TMEM235: variants seen among roughly 807,000 people sequenced by gnomAD.
TMEM235 encodes the protein transmembrane protein 235, also known as claudin-27.
Under a neutral mutation model 22.9 loss-of-function variants are expected in TMEM235, and 23 were observed. The ratio of observed to expected loss-of-function variants is 1.00; its 90% CI spans 0.72 to 1.42. The LOEUF is 1.42. TMEM235 is among the 40% of genes most tolerant of loss of function. The pLI, the probability that TMEM235 is intolerant of heterozygous loss-of-function variation, is 0.00. For missense variants in TMEM235, 308 were observed against 299.5 expected (o/e 1.03, Z -0.21); for synonymous variants, 137 against 140.5 (o/e 0.98, Z 0.17).
chr17:78,240,146 T>C (rs924216703), exon 6 of TMEM235: 45 of 1,141,142 alleles, frequency 3.9e-5, no homozygotes, highest in Non-Finnish European at 5.0e-5. Context: ...GGGGGAGGTA[T>C]GCCACTGTGA....
intron 3 of TMEM235, 42 bp downstream of exon 2, chr17:78,234,017 T>C: frequency 6.8e-7 from 1 of 1,466,204 alleles, no homozygotes; most frequent in Non-Finnish European, 9.1e-7. Context: ...TTTCCAAATA[T>C]TCAGGCAAGG....
At chr17:78,232,691 A>T (rs1189891459) in intron 2 of TMEM235, among the ~76,000 whole-genome samples, 1 of 152,106 alleles carries the variant, frequency 6.6e-6, no homozygotes. Context: ...AGAGAAGGGG[A>T]TCCCAGCAGG....
At position 78,234,531 on chromosome 17, in the gene TMEM235, G is replaced by T; in HGVS notation, c.272-62G>T. 4 of 1,529,616 alleles carry T rather than the reference G, an allele frequency of 2.6e-6. No individual in the cohort carries two copies. In the South Asian group the frequency reaches 4.8e-5, roughly 18 times the overall value. The allele number at this position is 1,529,616 out of a possible 1,614,324, so 94.8% of individuals were successfully genotyped here. On this transcript the variant is annotated intron_variant, in intron 3 of 5. Coordinates refer to ENST00000421688, the Ensembl canonical transcript of TMEM235. Reference sequence around the variant, plus strand: ...CGAAGCACCACGTCACTGTCCTCCGGCAGACAAGTGCTGAAGGGCCCACCT... The same window carrying T: ...CGAAGCACCACGTCACTGTCCTCCGTCAGACAAGTGCTGAAGGGCCCACCT...
chr17:78,240,292 AC>A, exon 6 of TMEM235: 1 of 264,488 alleles, frequency 3.8e-6, no homozygotes, highest in Non-Finnish European at 7.5e-6. Flanking sequence ...GTGCTTCTTG[AC>A]CACAGGGGCC....
In TMEM235 at chr17:78,233,992, G is replaced by T; in HGVS notation, c.271+17G>T. 1 of 1,508,872 alleles carries T rather than the reference G, an allele frequency of 6.6e-7. No homozygotes were observed. The highest frequency in any genetic ancestry group is 8.8e-7 in the Non-Finnish European group (1 of 1,131,190). 93.5% of individuals were successfully genotyped at this position (1,508,872 alleles called of 1,614,324 possible). ...ACCTCATCTGTGAGTCCTGGGTGGG[G>T]CCACCTCCCCATCCTTTCCAAATAT... On this transcript the variant is annotated intron_variant, in intron 3 of 5. Transcript: ENST00000421688.
At chr17:78,239,317 C>T (rs1241421396) in intron 5 of TMEM235, 44 bp downstream of exon 4, 21 of 1,515,060 alleles carry the variant, frequency 1.4e-5, no homozygotes, top group Admixed American at 2.0e-5. Flanking sequence ...CGGGATTGGG[C>T]GGTCAGGGCC....
chr17:78,239,657 C>A, intron 5 of TMEM235, 123 bp from the exon 5 acceptor site: 1 of 1,449,106 alleles, frequency 6.9e-7, no homozygotes, highest in Non-Finnish European at 9.1e-7. Context: ...GTCACTGCTG[C>A]CCCCATTCCT....
At position 78,238,152 on chromosome 17, in the gene TMEM235, G is replaced by T. The variant is rs2076664709; in HGVS notation, c.410-872G>T. 6.6e-6 allele frequency among the ~76,000 whole-genome samples: 1 copy of T among 152,230 alleles called. No homozygotes were observed. Among genetic ancestry groups the T allele is most frequent in the Non-Finnish European group, 1.5e-5 (1 of 68,032 alleles). ...GCTGTGGGAAGGGGGTGGCACTCCG[G>T]GCTGGTTCCTCCAAGCTCAGTGGAC... is the stretch of plus-strand genomic sequence containing the variant. On this transcript the variant is annotated intron_variant, in intron 4 of 5. Transcript: ENST00000421688. The surrounding 1 kb of genome is among the most constrained non-coding windows in gnomAD (Gnocchi z 4.3).
chr17:78,239,770 C>T lies in TMEM235; in HGVS notation c.660-10C>T. The T allele has an allele frequency of 6.5e-7, 1 of 1,538,076 alleles. No homozygotes were observed. The highest frequency in any genetic ancestry group is 8.8e-7 in the Non-Finnish European group (1 of 1,135,886). Reference sequence around the variant, plus strand: ...CCCTACTCAATGACTACCCTTTATCCATTTTACAGAGGGGGAGACTGAGGC... The same window carrying T: ...CCCTACTCAATGACTACCCTTTATCTATTTTACAGAGGGGGAGACTGAGGC... On this transcript the variant is annotated splice_polypyrimidine_tract_variant and intron_variant, in intron 5 of 5. Transcript: ENST00000421688.
chr17:78,231,683 C>A lies in TMEM235; in HGVS notation c.-341C>A, dbSNP rs1223889952. ...TGCATCTTGTTTGGCTGCTGAGGAGCCGGGGGTTCAGGGAAATTAAGGAAC... is the reference window on the plus strand; with the variant it reads ...TGCATCTTGTTTGGCTGCTGAGGAGACGGGGGTTCAGGGAAATTAAGGAAC... On this transcript the variant is annotated 5_prime_UTR_variant, in exon 2 of 6. Transcript: ENST00000421688. 5 of 1,290,590 alleles carry A rather than the reference C, an allele frequency of 3.9e-6. No homozygotes were observed. The East Asian group carries it at 2.3e-4, about 59-fold the overall frequency. 79.9% of individuals were successfully genotyped at this position (1,290,590 alleles called of 1,614,324 possible).
exon 6 of TMEM235, chr17:78,239,884 C>A: frequency 6.4e-7 from 1 of 1,551,496 alleles, no homozygotes; most frequent in Non-Finnish European, 8.7e-7. Context: ...GTTCTGTCCA[C>A]TCTCCCCGAA....
intron 2 of TMEM235, 44 bp downstream of exon 1, chr17:78,232,257 C>G: frequency 7.1e-7 from 1 of 1,411,732 alleles, no homozygotes; most frequent in Non-Finnish European, 9.2e-7. Flanking sequence ...GCGACCTCGT[C>G]CCTCCGACAC....
chr17:78,232,208 G>C, exon 2 of TMEM235: 1 of 1,475,780 alleles, frequency 6.8e-7, no homozygotes, highest in African/African-American at 1.5e-5. Flanking sequence ...TGGCGCATCT[G>C]CGAAGGTAAC....
Position 78,239,019 on chromosome 17 carries a change from C to G in TMEM235, c.410-5C>G, listed in dbSNP as rs1360454272. 2 of 1,536,778 alleles carry G rather than the reference C, an allele frequency of 1.3e-6. No individual in the cohort carries two copies. Among genetic ancestry groups the G allele is most frequent in the Middle Eastern group, 1.7e-4 (1 of 5,996 alleles). The stretch of plus-strand genomic sequence containing the variant: ...GAGCAGCTGCCCTCCCCATCTCTCC[C>G]CCAGGTGTCCTGACACTGGCGGGGG... On this transcript the variant is annotated splice_polypyrimidine_tract_variant and splice_region_variant and intron_variant, in intron 4 of 5. Coordinates refer to ENST00000421688, the Ensembl canonical transcript of TMEM235.
intron 3 of TMEM235, 35 bp from the exon 3 acceptor site, chr17:78,234,558 G>C: frequency 6.5e-7 from 1 of 1,534,442 alleles, no homozygotes; most frequent in Admixed American, 2.0e-5. Context: ...GGCCCACCTG[G>C]ACCAGAATTC....
exon 2 of TMEM235, chr17:78,231,800 C>T: frequency 8.3e-7 from 1 of 1,212,044 alleles, no homozygotes; most frequent in Non-Finnish European, 1.1e-6. Flanking sequence ...CCTCTCCTTT[C>T]CCCCAGGGGC....
At chr17:78,233,115 AAAGAC>A (rs1388291679) in intron 2 of TMEM235, among the ~76,000 whole-genome samples, 1 of 152,230 alleles carries the variant, frequency 6.6e-6, no homozygotes, top group Non-Finnish European at 1.5e-5. Flanking sequence ...ACTGTGCTCC[AAAGAC>A]CTCCTGACAT....
chr17:78,233,531 T>C (rs1409626941), intron 2 of TMEM235, among the ~76,000 whole-genome samples: 1 of 151,860 alleles, frequency 6.6e-6, no homozygotes, highest in East Asian at 1.9e-4. Context: ...CCGTCTCTAC[T>C]AAAAATACAA....
exon 5 of TMEM235, chr17:78,239,246 A>G (rs747497325): frequency 6.5e-7 from 1 of 1,542,232 alleles, no homozygotes; most frequent in South Asian, 1.2e-5. Context: ...ATCTGTGGTC[A>G]TCTGAGTCCC....
Sources: allele counts gnomAD v4.1 joint callset (sites outside exome capture counted in the v4.1 genomes callset), GRCh38; gene constraint gnomAD v4.1.1; non-coding constraint Gnocchi (gnomAD v3.1); transcripts MANE v1.5; gene names NCBI Gene and HGNC (gene_info 2026-07-23, HGNC 2026-07-21).